The following CSMD1 variants were observed in gnomAD, a reference collection of about 807,000 sequenced individuals.
The protein encoded by CSMD1 is CUB and sushi domain-containing protein 1.
A neutral mutation model predicts 417.5 loss-of-function variants in CSMD1; 213 were observed. The ratio of observed to expected loss-of-function variants is 0.51; its 90% CI spans 0.46 to 0.57. The LOEUF (loss-of-function observed/expected upper bound fraction) is 0.57, where lower values mean the gene tolerates loss of function less well. CSMD1 is among the 20% of genes least tolerant of loss of function. The probability of loss-of-function intolerance (pLI) is 0.00; values close to 1 mark genes in which losing one functional copy is unlikely to be tolerated. For synonymous variants in CSMD1, 2,862 were observed against 1,736.8 expected (o/e 1.65, Z -16.11); for missense variants, 6,923 against 4,529.7 (o/e 1.53, Z -15.17).
chr8:3,952,776 A>G (rs866612472), intron 5 of CSMD1, among the ~76,000 whole-genome samples: 1 of 152,232 alleles, frequency 6.6e-6, no homozygotes, highest in Non-Finnish European at 1.5e-5. Context: ...CAATAAAAAC[A>G]AAAGAAGTAC....
Position 3,140,725 on chromosome 8 carries a change from T to TAA in CSMD1, c.6241+1738_6241+1739dup, listed in dbSNP as rs201439978. On this transcript the variant is annotated intron_variant, in intron 41 of 69. Transcript: ENST00000635120. ...AGGGAAACAAGTGATTTAACTATAT[T>TAA]AAAAAAAAAAAAAGTTAGGCTCTAG... 1.3e-3 allele frequency among the ~76,000 whole-genome samples: 188 copies of TAA among 145,830 alleles called. 2 individuals are homozygous for TAA. The highest frequency in any genetic ancestry group is 4.3e-3 in the African/African-American group (172 of 40,194).
chr8:3,428,212 G>A (rs936299936), intron 12 of CSMD1, among the ~76,000 whole-genome samples: 8 of 150,998 alleles, frequency 5.3e-5, no homozygotes, highest in African/African-American at 1.5e-4. Context: ...TACGTAGAAT[G>A]AATTTCCTTG....
At chr8:3,258,880 G>T (rs1260265704) in intron 26 of CSMD1, among the ~76,000 whole-genome samples, 1 of 152,140 alleles carries the variant, frequency 6.6e-6, no homozygotes, top group South Asian at 2.1e-4. Context: ...TTATAACTGG[G>T]AGCTAAACGA....
At chr8:4,839,180 C>G (rs181420524) in intron 1 of CSMD1, among the ~76,000 whole-genome samples, 1 of 152,136 alleles carries the variant, frequency 6.6e-6, no homozygotes, top group Non-Finnish European at 1.5e-5. Flanking sequence ...TCATCAGGTT[C>G]CAAGAAGGAA....
At chr8:3,804,700 G>C (rs984796719) in intron 5 of CSMD1, among the ~76,000 whole-genome samples, 4 of 152,162 alleles carry the variant, frequency 2.6e-5, no homozygotes, top group African/African-American at 9.7e-5. Flanking sequence ...GAAGAAAAAT[G>C]TAAACACATA....
Position 3,399,376 on chromosome 8 carries a change from T to C in CSMD1, c.2405+15A>G, listed in dbSNP as rs374251048. On this transcript the variant is annotated intron_variant, in intron 16 of 69. Transcript: ENST00000635120. Reference sequence around the variant, plus strand: ...CACACCATTGGGTCCAAATGAAGACTAATTTTTTTCTTACCTGTCAAAAGT... The same window carrying C: ...CACACCATTGGGTCCAAATGAAGACCAATTTTTTTCTTACCTGTCAAAAGT... 9 of 1,589,192 alleles carry C rather than the reference T, an allele frequency of 5.7e-6. No homozygotes were observed. Among genetic ancestry groups the C allele is most frequent in the Non-Finnish European group, 7.7e-6 (9 of 1,168,164 alleles).
chr8:4,468,282 G>A (rs901664273), intron 2 of CSMD1, among the ~76,000 whole-genome samples: 1 of 152,140 alleles, frequency 6.6e-6, no homozygotes, highest in Non-Finnish European at 1.5e-5. Flanking sequence ...CTTCACCCAA[G>A]GAACTTGAGA....
chr8:3,456,039 G>A (rs74212919), intron 12 of CSMD1, among the ~76,000 whole-genome samples: 16,336 of 152,056 alleles, frequency 0.11, 1,573 homozygotes, highest in East Asian at 0.35. Flanking sequence ...CCTCGCCGCC[G>A]CCTTGCTATT....
At chr8:4,333,940 G>A (rs1202579560) in intron 3 of CSMD1, among the ~76,000 whole-genome samples, 2 of 152,054 alleles carry the variant, frequency 1.3e-5, no homozygotes, top group African/African-American at 2.4e-5. Context: ...CATCCAGACT[G>A]GAGGGCAGTG....
intron 2 of CSMD1, among the ~76,000 whole-genome samples, chr8:4,435,807 T>A (rs1798117903): frequency 6.6e-6 from 1 of 152,192 alleles, no homozygotes; most frequent in Non-Finnish European, 1.5e-5. Flanking sequence ...ACAGACCGTG[T>A]CCCGAACACC....
At chr8:4,116,701 C>G (rs772527013) in intron 3 of CSMD1, among the ~76,000 whole-genome samples, 2 of 152,016 alleles carry the variant, frequency 1.3e-5, no homozygotes, top group Non-Finnish European at 1.5e-5. Flanking sequence ...ATGGAACAAA[C>G]GCGCCATGCA....
At chr8:4,489,816 A>G (rs1281740927) in intron 2 of CSMD1, among the ~76,000 whole-genome samples, 2 of 152,310 alleles carry the variant, frequency 1.3e-5, no homozygotes, top group African/African-American at 4.8e-5. Flanking sequence ...GAACATAGTC[A>G]GGCTGCCACC....
At chr8:3,972,362 G>C (rs898968473) in intron 5 of CSMD1, among the ~76,000 whole-genome samples, 1 of 152,026 alleles carries the variant, frequency 6.6e-6, no homozygotes, top group East Asian at 1.9e-4. Flanking sequence ...TTTAATTTTT[G>C]CTAAAGCTCT....
intron 25 of CSMD1, among the ~76,000 whole-genome samples, chr8:3,303,505 ACT>A (rs1206059082): frequency 6.6e-6 from 1 of 152,178 alleles, no homozygotes; most frequent in African/African-American, 2.4e-5. Flanking sequence ...TGTTTTTCAT[ACT>A]GTGCGAGCTT....
chr8:3,251,067 A>C (rs1469563173), intron 26 of CSMD1, among the ~76,000 whole-genome samples: 1 of 152,096 alleles, frequency 6.6e-6, no homozygotes, highest in Non-Finnish European at 1.5e-5. Context: ...CTTTAGTTTA[A>C]TTAGATCCCG....
At chr8:3,440,073 G>C (rs1378675100) in intron 12 of CSMD1, among the ~76,000 whole-genome samples, 1 of 152,120 alleles carries the variant, frequency 6.6e-6, no homozygotes, top group Admixed American at 6.5e-5. Context: ...AATATGCAGT[G>C]AAATTGGGTA....
chr8:3,608,399 G>A (rs1412298046), intron 8 of CSMD1, among the ~76,000 whole-genome samples: 3 of 152,042 alleles, frequency 2.0e-5, no homozygotes, highest in African/African-American at 7.2e-5. Flanking sequence ...GAGAATTCAG[G>A]GAGCTCCCTA....
chr8:3,101,168 T>A (rs1408035993), intron 46 of CSMD1, among the ~76,000 whole-genome samples: 1 of 152,028 alleles, frequency 6.6e-6, no homozygotes, highest in Non-Finnish European at 1.5e-5. Flanking sequence ...CAGGTCCTAG[T>A]CTAGCTTTCC....
chr8:3,251,375 G>C (rs1385418284), intron 26 of CSMD1, among the ~76,000 whole-genome samples: 1 of 152,138 alleles, frequency 6.6e-6, no homozygotes, highest in African/African-American at 2.4e-5. Context: ...GATAGTTGTA[G>C]ATATGTGGCA....
Sources: gnomAD v4.1 joint callset for allele counts (sites outside exome capture counted in the v4.1 genomes callset) on GRCh38, gnomAD v4.1.1 for gene constraint, MANE v1.5 for transcripts, NCBI Gene and HGNC (gene_info 2026-07-23, HGNC 2026-07-21) for gene names.